TMEM117: variants seen among roughly 807,000 people sequenced by gnomAD.
TMEM117 encodes the protein transmembrane protein 117.
TMEM117 carries 27 observed loss-of-function variants against 52.4 expected under a neutral mutation model. The observed-to-expected ratio is 0.51, with a 90% CI of 0.38 to 0.71. TMEM117 has a LOEUF of 0.71. Among genes scored for constraint, TMEM117 ranks in the 30% least tolerant of loss-of-function variants. The pLI, the probability that TMEM117 is intolerant of heterozygous loss-of-function variation, is 0.00. For missense variants in TMEM117, 556 were observed against 630.5 expected (o/e 0.88, Z 1.26); for synonymous variants, 215 against 206.3 (o/e 1.04, Z -0.36).
At chr12:44,205,158 GA>G (rs1185919055) in intron 4 of TMEM117, among the ~76,000 whole-genome samples, 2 of 152,140 alleles carry the variant, frequency 1.3e-5, no homozygotes, top group African/African-American at 4.8e-5. Context: ...ATTTCACCTT[GA>G]ATTGTAATAA....
intron 2 of TMEM117, among the ~76,000 whole-genome samples, chr12:43,878,302 C>T (rs899211935): frequency 4.6e-5 from 7 of 152,010 alleles, no homozygotes; most frequent in African/African-American, 1.2e-4. Context: ...TTATTTTACA[C>T]AAGATAACAG....
rs561780591 is a variant in TMEM117 at position 44,182,827 on chromosome 12, T to C, written c.511-28463T>C. Among the ~76,000 whole-genome samples the C allele has an allele frequency of 1.5e-3, 235 of 152,226 alleles. 3 individuals carry two copies. The highest frequency in any genetic ancestry group is 5.3e-3 in the African/African-American group (219 of 41,534). Reference sequence around the variant, plus strand: ...GATGAGTCGGTCAGTAGCACCTCCATCTTGTATGCAGAAATAACTTCATTT... The same window carrying C: ...GATGAGTCGGTCAGTAGCACCTCCACCTTGTATGCAGAAATAACTTCATTT... On this transcript the variant is annotated intron_variant, in intron 4 of 7. Coordinates refer to ENST00000266534, the MANE Select transcript of TMEM117 (RefSeq NM_032256.3).
chr12:44,034,748 T>C (rs1472779794), intron 3 of TMEM117, among the ~76,000 whole-genome samples: 1 of 152,212 alleles, frequency 6.6e-6, no homozygotes, highest in Admixed American at 6.5e-5. Context: ...CTTTTAACAT[T>C]GTGACAGTTT....
At chr12:44,205,188 G>A (rs934516843) in intron 4 of TMEM117, among the ~76,000 whole-genome samples, 12 of 152,156 alleles carry the variant, frequency 7.9e-5, no homozygotes, top group African/African-American at 2.7e-4. Context: ...TGTCAAGGGA[G>A]GTGCCAGTGG....
At chr12:43,991,264 G>C (rs894368430) in intron 3 of TMEM117, among the ~76,000 whole-genome samples, 30 of 151,932 alleles carry the variant, frequency 2.0e-4, no homozygotes, top group African/African-American at 7.3e-4. Flanking sequence ...TATTATTAGG[G>C]GCCTTAGGAT....
intron 5 of TMEM117, among the ~76,000 whole-genome samples, chr12:44,223,836 C>G (rs1468812701): frequency 6.6e-6 from 1 of 152,052 alleles, no homozygotes; most frequent in African/African-American, 2.4e-5. Context: ...CAATGATAAG[C>G]AAAAATACCA....
At chr12:44,322,119 C>T (rs778062781) in intron 6 of TMEM117, among the ~76,000 whole-genome samples, 1 of 152,060 alleles carries the variant, frequency 6.6e-6, no homozygotes, top group Non-Finnish European at 1.5e-5. Context: ...AAGGAATTGG[C>T]GACTTATGTC....
chr12:44,388,365 T>C lies in TMEM117; in HGVS notation c.1238T>C (p.Phe413Ser). ...GTGTGGTTTGGATTCTTTATTTGGT[T>C]CTTTGGACGATTTTTGAAAAATGAG... ...AFVWFGFFIW[F>S]FGRFLKNEPR... Residue 413 changes from phenylalanine to serine, a missense_variant, in exon 8 of 8, where the codon TTC becomes TCC. Coordinates refer to ENST00000266534, the MANE Select transcript of TMEM117 (RefSeq NM_032256.3). 1 of 1,613,520 alleles carries C rather than the reference T, an allele frequency of 6.2e-7. No homozygotes were observed.
chr12:44,026,398 CT>C (rs1407693679), intron 3 of TMEM117, among the ~76,000 whole-genome samples: 3 of 152,142 alleles, frequency 2.0e-5, no homozygotes, highest in African/African-American at 7.2e-5. Flanking sequence ...GCCCAGATGC[CT>C]CTGTTGCTTT....
chr12:44,331,067 C>A (rs1209989998), intron 6 of TMEM117, among the ~76,000 whole-genome samples: 1 of 151,754 alleles, frequency 6.6e-6, no homozygotes, highest in Non-Finnish European at 1.5e-5. Context: ...AGTGTAGAAT[C>A]ACAACATTTA....
intron 3 of TMEM117, among the ~76,000 whole-genome samples, chr12:44,039,546 A>G (rs938176935): frequency 1.3e-5 from 2 of 151,978 alleles, no homozygotes; most frequent in Non-Finnish European, 2.9e-5. Context: ...TTTGACTGGC[A>G]ATCCATGTAT....
chr12:44,167,227 A>T (rs1948980026), intron 4 of TMEM117, among the ~76,000 whole-genome samples: 1 of 152,150 alleles, frequency 6.6e-6, no homozygotes, highest in Non-Finnish European at 1.5e-5. Context: ...CTTGAGTTTA[A>T]ATGATTCTGA....
At chr12:44,269,098 C>T (rs1452635414) in intron 5 of TMEM117, among the ~76,000 whole-genome samples, 2 of 151,926 alleles carry the variant, frequency 1.3e-5, no homozygotes, top group Non-Finnish European at 2.9e-5. Context: ...ATTTTTATAC[C>T]TGTATCTGGT....
chr12:44,215,728 T>TA (rs112129736), intron 5 of TMEM117, among the ~76,000 whole-genome samples: 4,638 of 149,410 alleles, frequency 0.031, 199 homozygotes, highest in African/African-American at 0.1. Context: ...TTAGCTTTTT[T>TA]TAAAAAAAAA....
chr12:43,888,895 A>AT (rs933109067), intron 2 of TMEM117, among the ~76,000 whole-genome samples: 2 of 151,820 alleles, frequency 1.3e-5, no homozygotes, highest in Non-Finnish European at 2.9e-5. Flanking sequence ...TACTATTACA[A>AT]TTTTTTTAAA....
At chr12:44,077,449 C>T (rs560859067) in intron 3 of TMEM117, among the ~76,000 whole-genome samples, 2 of 152,190 alleles carry the variant, frequency 1.3e-5, no homozygotes, top group Non-Finnish European at 2.9e-5. Flanking sequence ...TACTTAGAAA[C>T]GTTGAGCTGA....
chr12:44,225,182 G>C (rs1470429346), intron 5 of TMEM117, among the ~76,000 whole-genome samples: 1 of 152,148 alleles, frequency 6.6e-6, no homozygotes, highest in African/African-American at 2.4e-5. Context: ...TTATTCAGTT[G>C]AGAAAGAACA....
intron 4 of TMEM117, among the ~76,000 whole-genome samples, chr12:44,188,379 G>C (rs1485202480): frequency 6.6e-6 from 1 of 151,970 alleles, no homozygotes; most frequent in Non-Finnish European, 1.5e-5. Context: ...CTGTTTCAAG[G>C]GGCCCATAAC....
intron 6 of TMEM117, among the ~76,000 whole-genome samples, chr12:44,335,141 AAC>A (rs1409213749): frequency 2.6e-5 from 4 of 152,046 alleles, no homozygotes; most frequent in Non-Finnish European, 5.9e-5. Context: ...TGAGAAGAGC[AAC>A]AGAGTCCATG....
Sources: allele counts gnomAD v4.1 joint callset (sites outside exome capture counted in the v4.1 genomes callset), GRCh38; gene constraint gnomAD v4.1.1; transcripts MANE v1.5; gene names NCBI Gene and HGNC (gene_info 2026-07-23, HGNC 2026-07-21).